GABRA5: variants seen among roughly 807,000 people sequenced by gnomAD.
GABRA5 encodes the protein gamma-aminobutyric acid receptor subunit alpha-5.
A neutral mutation model predicts 47.3 loss-of-function variants in GABRA5; 18 were observed. The observed-to-expected ratio is 0.38, with a 90% CI of 0.26 to 0.56. GABRA5 has a LOEUF of 0.56. Ranked by LOEUF, GABRA5 falls within the 20% of genes least tolerant of loss-of-function variation. The probability of loss-of-function intolerance (pLI) is 0.71; values close to 1 mark genes in which losing one functional copy is unlikely to be tolerated. For synonymous variants in GABRA5, 237 were observed against 229.3 expected (o/e 1.03, Z -0.30); for missense variants, 365 against 599.3 (o/e 0.61, Z 4.08).
chr15:26,888,701 G>A (rs1162622052), intron 6 of GABRA5, among the ~76,000 whole-genome samples: 1 of 152,192 alleles, frequency 6.6e-6, no homozygotes. Context: ...GTTATAAAGA[G>A]CATATAGAGA....
chr15:26,891,597 G>C (rs1037663856), intron 6 of GABRA5, among the ~76,000 whole-genome samples: 1 of 152,172 alleles, frequency 6.6e-6, no homozygotes, highest in African/African-American at 2.4e-5. Flanking sequence ...CTAGAGCTTG[G>C]TTAAAGCCCC....
At chr15:26,892,407 C>T (rs919821339) in intron 6 of GABRA5, among the ~76,000 whole-genome samples, 2 of 151,588 alleles carry the variant, frequency 1.3e-5, no homozygotes, top group Admixed American at 6.5e-5. Flanking sequence ...GGGCCCTACC[C>T]AGCCCGCGCC....
At chr15:26,887,326 T>TTTTATTTA (rs546859109) in intron 6 of GABRA5, among the ~76,000 whole-genome samples, 1 of 152,012 alleles carries the variant, frequency 6.6e-6, no homozygotes, top group Non-Finnish European at 1.5e-5. Context: ...CCATGATGCC[T>TTTTATTTA]TTTATTTATT....
chr15:26,945,037 G>A (rs1232125832), intron 10 of GABRA5, among the ~76,000 whole-genome samples: 1 of 152,230 alleles, frequency 6.6e-6, no homozygotes, highest in East Asian at 1.9e-4. Flanking sequence ...TCTGAATGGA[G>A]GGTTGGAGGG....
intron 6 of GABRA5, among the ~76,000 whole-genome samples, chr15:26,904,646 G>A (rs1380142003): frequency 6.6e-6 from 1 of 152,062 alleles, no homozygotes; most frequent in Non-Finnish European, 1.5e-5. Flanking sequence ...TCTTTCAGCA[G>A]TGTTGTATAG....
chr15:26,879,284 A>G (rs1263242208), intron 3 of GABRA5, among the ~76,000 whole-genome samples: 2 of 152,216 alleles, frequency 1.3e-5, no homozygotes, highest in African/African-American at 4.8e-5. Flanking sequence ...GGTTTGACCA[A>G]TAGTTACACA....
At chr15:26,887,991 T>A (rs1019644199) in intron 6 of GABRA5, among the ~76,000 whole-genome samples, 3 of 152,226 alleles carry the variant, frequency 2.0e-5, no homozygotes, top group Non-Finnish European at 4.4e-5. Flanking sequence ...GATTTTTTAA[T>A]GGGAAATCCC....
chr15:26,918,262 T>C (rs1197447299), intron 7 of GABRA5, among the ~76,000 whole-genome samples: 1 of 152,164 alleles, frequency 6.6e-6, no homozygotes, highest in Non-Finnish European at 1.5e-5. Context: ...CTTTGGCCCA[T>C]TGGTTGTACA....
intron 3 of GABRA5, chr15:26,880,425 T>G: frequency 6.5e-6 from 1 of 154,140 alleles, no homozygotes; most frequent in Non-Finnish European, 1.4e-5. Flanking sequence ...GTCCCCTCCA[T>G]GCCCCAGCGC....
chr15:26,906,744 G>A (rs1893454170), intron 6 of GABRA5, among the ~76,000 whole-genome samples: 1 of 152,076 alleles, frequency 6.6e-6, no homozygotes, highest in Non-Finnish European at 1.5e-5. Flanking sequence ...CATTTGATCT[G>A]TTAAAAAGAT....
chr15:26,924,588 C>A (rs1461089459), intron 7 of GABRA5, among the ~76,000 whole-genome samples: 1 of 152,184 alleles, frequency 6.6e-6, no homozygotes, highest in Non-Finnish European at 1.5e-5. Context: ...AATCAACGTC[C>A]TGGCCCCCTT....
Position 26,948,027 on chromosome 15 carries a change from G to A in GABRA5, c.1183G>A (p.Ala395Thr). The change falls in exon 11 of 11, where the codon GCA becomes ACA. Residue 395 changes from alanine (A) to threonine (T), a missense_variant. This residue lies in a region of GABRA5 where 106 missense variants were observed against 130.3 expected (regional missense o/e 0.81). Transcript: ENST00000335625. ...AAACATTCCGAAGGAACAGACCCCA[G>A]CAGGGACGTCGAATACAACCTCAGT... ...PPNIPKEQTP[A>T]GTSNTTSVSV... 1 of 1,605,244 alleles carries A rather than the reference G, an allele frequency of 6.2e-7. No homozygotes were observed. Among genetic ancestry groups the A allele is most frequent in the Non-Finnish European group, 8.5e-7 (1 of 1,175,594 alleles).
intron 3 of GABRA5, among the ~76,000 whole-genome samples, chr15:26,873,395 A>AT (rs1566862116): frequency 7.3e-6 from 1 of 136,292 alleles, no homozygotes; most frequent in Non-Finnish European, 1.6e-5. Context: ...TTACTGATTG[A>AT]TAAAAAAATC....
intron 6 of GABRA5, among the ~76,000 whole-genome samples, chr15:26,886,101 C>A (rs550942653): frequency 6.6e-6 from 1 of 152,236 alleles, no homozygotes; most frequent in East Asian, 1.9e-4. Flanking sequence ...TTCACTGCAA[C>A]CTCCACCTCC....
chr15:26,921,953 A>C (rs1893853074), intron 7 of GABRA5, among the ~76,000 whole-genome samples: 1 of 152,090 alleles, frequency 6.6e-6, no homozygotes. Flanking sequence ...TATCCAGAGA[A>C]TGCCCTCTGT....
intron 7 of GABRA5, among the ~76,000 whole-genome samples, chr15:26,935,054 G>A (rs571045874): frequency 6.6e-6 from 1 of 151,978 alleles, no homozygotes; most frequent in Non-Finnish European, 1.5e-5. Flanking sequence ...CTCTTGTCCC[G>A]GCAAAAAGAT....
chr15:26,927,839 G>A (rs552485352), intron 7 of GABRA5, among the ~76,000 whole-genome samples: 3 of 152,262 alleles, frequency 2.0e-5, no homozygotes, highest in African/African-American at 7.2e-5. Context: ...TTATTCTAAT[G>A]AGCCACATGC....
rs756729284 is a variant in GABRA5 at position 26,882,431 on chromosome 15, AC to A, written c.209-732del. Reference sequence around the variant, plus strand: ...CAGGCCCACAGTGCGGCTGGAAGTTACCCGGTGTGGGCTGCAGTGCACTTTG... The same window carrying A: ...CAGGCCCACAGTGCGGCTGGAAGTTACCGGTGTGGGCTGCAGTGCACTTTG... On this transcript the variant is annotated intron_variant, in intron 4 of 10. Transcript: ENST00000335625. Among the ~76,000 whole-genome samples the A allele has an allele frequency of 9.9e-5, 15 of 152,272 alleles. No homozygotes were observed. The East Asian group carries it at 2.3e-3, about 24-fold the overall frequency.
chr15:26,927,653 T>C (rs1893993188), intron 7 of GABRA5, among the ~76,000 whole-genome samples: 1 of 152,230 alleles, frequency 6.6e-6, no homozygotes, highest in African/African-American at 2.4e-5. Context: ...CAAAGTTTTT[T>C]TCTTACTTGT....
Sources: gnomAD v4.1 joint callset for allele counts (sites outside exome capture counted in the v4.1 genomes callset) on GRCh38, gnomAD v4.1.1 for gene constraint, gnomAD v4.1.1 regional missense constraint, MANE v1.5 for transcripts, NCBI Gene and HGNC (gene_info 2026-07-23, HGNC 2026-07-21) for gene names.